The following UBR3 variants were observed in gnomAD, a reference collection of about 807,000 sequenced individuals.
UBR3 encodes ubiquitin protein ligase E3 component n-recognin 3.
In UBR3, 85 loss-of-function variants were observed where a neutral mutation model predicts 243.2. That is an observed-to-expected ratio of 0.35 (90% CI 0.29 to 0.42). The LOEUF (loss-of-function observed/expected upper bound fraction) is 0.42, where lower values mean the gene tolerates loss of function less well. Ranked by LOEUF, UBR3 falls within the 10% of genes least tolerant of loss-of-function variation. The pLI, the probability that UBR3 is intolerant of heterozygous loss-of-function variation, is 1.00. For missense variants in UBR3, 1,686 were observed against 2,300.8 expected (o/e 0.73, Z 5.47); for synonymous variants, 748 against 799.8 (o/e 0.94, Z 1.09).
At chr2:169,832,317 G>A (rs1169985988) in intron 1 of UBR3, among the ~76,000 whole-genome samples, 2 of 152,110 alleles carry the variant, frequency 1.3e-5, no homozygotes, top group Admixed American at 1.3e-4. Flanking sequence ...TTGGGAGGCC[G>A]AGGTGGGCAG....
chr2:170,006,537 G>C (rs1049386998), intron 27 of UBR3, among the ~76,000 whole-genome samples: 7 of 152,074 alleles, frequency 4.6e-5, no homozygotes, highest in African/African-American at 1.7e-4. Context: ...CACTTTTTTT[G>C]AGGCTTATTT....
intron 32 of UBR3, among the ~76,000 whole-genome samples, chr2:170,055,161 G>A (rs150184096): frequency 7.9e-5 from 12 of 152,258 alleles, no homozygotes; most frequent in Non-Finnish European, 1.3e-4. Context: ...ATCAGGCGTA[G>A]TGGCACATGC....
intron 26 of UBR3, among the ~76,000 whole-genome samples, chr2:169,997,853 TC>T (rs952721240): frequency 1.3e-5 from 2 of 152,104 alleles, no homozygotes; most frequent in African/African-American, 2.4e-5. Flanking sequence ...TGCTGAATGA[TC>T]CATGTGTGGA....
chr2:170,071,059 A>G (rs2091687051), intron 35 of UBR3, among the ~76,000 whole-genome samples: 1 of 152,196 alleles, frequency 6.6e-6, no homozygotes, highest in Non-Finnish European at 1.5e-5. Context: ...ACCAATTAAT[A>G]TCACAAGTGA....
intron 1 of UBR3, among the ~76,000 whole-genome samples, chr2:169,855,677 G>A (rs1442083230): frequency 6.6e-6 from 1 of 152,254 alleles, no homozygotes; most frequent in African/African-American, 2.4e-5. Flanking sequence ...CAAGGCCATA[G>A]ATTAACAGCA....
At chr2:169,942,669 A>G (rs2086637952) in intron 20 of UBR3, 35 bp downstream of exon 20, 2 of 1,463,098 alleles carry the variant, frequency 1.4e-6, no homozygotes, top group Non-Finnish European at 1.8e-6. Flanking sequence ...GACTAAGCTT[A>G]GAATTTATTT....
chr2:169,935,355 G>A (rs1157542472), intron 19 of UBR3, among the ~76,000 whole-genome samples: 5 of 152,112 alleles, frequency 3.3e-5, no homozygotes, highest in Non-Finnish European at 7.4e-5. Context: ...GTTTTGTAGA[G>A]GTGGGTTCTT....
intron 24 of UBR3, chr2:169,964,600 G>C: frequency 2.6e-6 from 1 of 382,840 alleles, no homozygotes; most frequent in Non-Finnish European, 5.3e-6. Flanking sequence ...GATTGCTTTA[G>C]TTTTCAGGGT....
At chr2:170,014,659 A>T (rs2090183116) in intron 29 of UBR3, 1 of 152,160 alleles carries the variant, frequency 6.6e-6, no homozygotes, top group Non-Finnish European at 1.5e-5. Context: ...TCAGGTCTGT[A>T]TGAACAGTAT....
At chr2:170,065,208 G>T (rs981452384) in intron 35 of UBR3, among the ~76,000 whole-genome samples, 2 of 152,090 alleles carry the variant, frequency 1.3e-5, no homozygotes, top group African/African-American at 4.8e-5. Flanking sequence ...CAAGATTTTG[G>T]TTTGGAATTA....
Position 169,836,065 on chromosome 2 carries a change from A to ATTTTTT in UBR3, c.545+8014_545+8015insTTTTTT, listed in dbSNP as rs1558999105. ...TCTCTATATATATATATATATATAT[A>ATTTTTT]TATTTTTTTTTTTTTTTTTTTTTTT... On this transcript the variant is annotated intron_variant, in intron 1 of 38. Transcript: ENST00000272793. Among the ~76,000 whole-genome samples the ATTTTTT allele has an allele frequency of 7.4e-3, 208 of 27,938 alleles. 47 individuals carry two copies. The highest frequency in any genetic ancestry group is 0.013 in the Admixed American group (16 of 1,198). 18.3% of individuals were successfully genotyped at this position (27,938 alleles called of 152,430 possible).
chr2:169,882,281 A>G (rs1350169170), intron 5 of UBR3, among the ~76,000 whole-genome samples: 1 of 137,728 alleles, frequency 7.3e-6, no homozygotes, highest in Non-Finnish European at 1.5e-5. Context: ...TATATCATAT[A>G]TTTATATATT....
chr2:169,999,204 C>T (rs1357853968), intron 26 of UBR3, among the ~76,000 whole-genome samples: 1 of 152,212 alleles, frequency 6.6e-6, no homozygotes, highest in African/African-American at 2.4e-5. Context: ...TAACGGACTA[C>T]CAATCATTCT....
chr2:169,868,693 A>G (rs1253209591), intron 1 of UBR3, among the ~76,000 whole-genome samples: 1 of 152,230 alleles, frequency 6.6e-6, no homozygotes, highest in East Asian at 1.9e-4. Flanking sequence ...TCATCAAATA[A>G]CCACTAACAT....
At chr2:169,950,796 G>C (rs1001978071) in intron 23 of UBR3, among the ~76,000 whole-genome samples, 8 of 150,754 alleles carry the variant, frequency 5.3e-5, no homozygotes, top group African/African-American at 1.9e-4. Context: ...CAACATTGCT[G>C]ACCCTGCTGT....
At chr2:169,998,531 A>T (rs1308523419) in intron 26 of UBR3, among the ~76,000 whole-genome samples, 1 of 152,116 alleles carries the variant, frequency 6.6e-6, no homozygotes, top group Non-Finnish European at 1.5e-5. Flanking sequence ...CCTCATGTTG[A>T]TTCAGGGGCT....
chr2:169,928,433 GT>G (rs1196448412), intron 17 of UBR3, among the ~76,000 whole-genome samples: 12 of 152,010 alleles, frequency 7.9e-5, no homozygotes, highest in African/African-American at 2.7e-4. Context: ...ATTTTTAAAA[GT>G]TTTTCTATCG....
At position 169,836,031 on chromosome 2, in the gene UBR3, CTCTCTCTCTCTCTATA is replaced by C. The variant is rs1272405992; in HGVS notation, c.545+7981_545+7996del. Among the ~76,000 whole-genome samples the C allele has an allele frequency of 6.0e-3, 151 of 25,180 alleles. 7 individuals carry two copies. Among genetic ancestry groups the C allele is most frequent in the Non-Finnish European group, 8.2e-3 (112 of 13,726 alleles). The allele number at this position is 25,180 out of a possible 152,430, so 16.5% of individuals were successfully genotyped here. ...TCTCTCTCTCTCTCTCTCTCTCTCT[CTCTCTCTCTCTCTATA>C]TATATATATATATATATATATTTTT... On this transcript the variant is annotated intron_variant, in intron 1 of 38. Coordinates refer to ENST00000272793, the MANE Select transcript of UBR3 (RefSeq NM_172070.4).
At chr2:170,017,538 C>CACACAG (rs1553535836) in intron 30 of UBR3, among the ~76,000 whole-genome samples, 324 of 26,542 alleles carry the variant, frequency 0.012, 2 homozygotes, top group Middle Eastern at 0.045. Context: ...CACACACACA[C>CACACAG]ACACACAGAC....
Sources: allele counts gnomAD v4.1 joint callset (sites outside exome capture counted in the v4.1 genomes callset), GRCh38; gene constraint gnomAD v4.1.1; transcripts MANE v1.5; gene names NCBI Gene and HGNC (gene_info 2026-07-23, HGNC 2026-07-21).